Variants in CARMIL1 observed in about 807,000 individuals in gnomAD.
CARMIL1 encodes F-actin-uncapping protein LRRC16A.
A neutral mutation model predicts 177.1 loss-of-function variants in CARMIL1; 90 were observed. The ratio of observed to expected loss-of-function variants is 0.51; its 90% confidence interval spans 0.43 to 0.61. The LOEUF is 0.61. CARMIL1 is among the 20% of genes least tolerant of loss of function. The probability of loss-of-function intolerance (pLI) is 0.00; values close to 1 mark genes in which losing one functional copy is unlikely to be tolerated. For synonymous variants in CARMIL1, 577 were observed against 606.2 expected (o/e 0.95, Z 0.71); for missense variants, 1,380 against 1,667.0 (o/e 0.83, Z 3.00).
intron 20 of CARMIL1, among the ~76,000 whole-genome samples, chr6:25,511,412 GGT>G (rs1277607101): frequency 6.6e-6 from 1 of 152,056 alleles, no homozygotes; most frequent in Non-Finnish European, 1.5e-5. Context: ...ATTTAGAGCT[GGT>G]GTGTTACACC....
chr6:25,390,249 A>G lies in CARMIL1; in HGVS notation c.139-29865A>G, dbSNP rs375961729. Among the ~76,000 whole-genome samples the G allele has an allele frequency of 1.3e-4, 19 of 148,482 alleles. No individual in the cohort carries two copies. In the East Asian group the frequency reaches 3.5e-3, roughly 27 times the overall value. On this transcript the variant is annotated intron_variant, in intron 2 of 36. Coordinates refer to ENST00000329474, the MANE Select transcript of CARMIL1 (RefSeq NM_017640.6). Reference sequence around the variant, plus strand: ...ATTGACATTACCTGGTAATTTTTTAAAAATAATTTTTTCTAGACATATATA... The same window carrying G: ...ATTGACATTACCTGGTAATTTTTTAGAAATAATTTTTTCTAGACATATATA...
intron 2 of CARMIL1, among the ~76,000 whole-genome samples, chr6:25,373,744 G>A (rs955184801): frequency 4.0e-5 from 6 of 151,864 alleles, no homozygotes; most frequent in African/African-American, 1.5e-4. Flanking sequence ...CACTATGCCT[G>A]GCTAATTTTT....
At chr6:25,389,097 A>T (rs992049191) in intron 2 of CARMIL1, 1 of 152,172 alleles carries the variant, frequency 6.6e-6, no homozygotes, top group Non-Finnish European at 1.5e-5. Flanking sequence ...CCACATTTCC[A>T]TGTTTTACGT....
intron 20 of CARMIL1, among the ~76,000 whole-genome samples, chr6:25,513,391 G>A (rs1366554122): frequency 6.6e-6 from 1 of 152,106 alleles, no homozygotes; most frequent in Non-Finnish European, 1.5e-5. Flanking sequence ...TTTGGCCCAG[G>A]TTTTAATTGC....
intron 29 of CARMIL1, among the ~76,000 whole-genome samples, chr6:25,576,680 A>G (rs1242276917): frequency 2.6e-5 from 4 of 152,280 alleles, no homozygotes; most frequent in Admixed American, 2.6e-4. Flanking sequence ...GGGGTTGGTA[A>G]ATATCACTTT....
chr6:25,294,347 C>G (rs1782231822), intron 2 of CARMIL1, among the ~76,000 whole-genome samples: 1 of 152,158 alleles, frequency 6.6e-6, no homozygotes, highest in Admixed American at 6.5e-5. Context: ...TTGACTCAAA[C>G]AGACTCTGGG....
rs571700057 is a variant in CARMIL1 at position 25,364,862 on chromosome 6, G to A, written c.139-55252G>A. Among the ~76,000 whole-genome samples the A allele has an allele frequency of 1.7e-3, 261 of 152,142 alleles. 2 individuals carry two copies. Among genetic ancestry groups the A allele is most frequent in the Non-Finnish European group, 1.5e-3 (105 of 68,030 alleles). On this transcript the variant is annotated intron_variant, in intron 2 of 36. Coordinates refer to ENST00000329474, the MANE Select transcript of CARMIL1 (RefSeq NM_017640.6). Reference sequence around the variant, plus strand: ...TGAATTCCTTTAAGTAGATGAGGAAGTGAAACCCCGGAAGAGTACAGTGTC... The same window carrying A: ...TGAATTCCTTTAAGTAGATGAGGAAATGAAACCCCGGAAGAGTACAGTGTC...
rs6149486 is a variant in CARMIL1 at position 25,296,893 on chromosome 6, T to TTATCTATCTATC, written c.138+12014_138+12025dup. On this transcript the variant is annotated intron_variant, in intron 2 of 36. Transcript: ENST00000329474. ...CCTTTTCTTATAAGAATATCTATCTTTATCTATCTATCTATCTATCTATCT... is the reference window on the plus strand; with the variant it reads ...CCTTTTCTTATAAGAATATCTATCTTTATCTATCTATCTATCTATCTATCTATCTATCTATCT... 4.0e-3 allele frequency among the ~76,000 whole-genome samples: 343 copies of TTATCTATCTATC among 85,932 alleles called. 1 individual carries two copies. The highest frequency in any genetic ancestry group is 5.6e-3 in the Non-Finnish European group (246 of 44,114). 56.4% of individuals were successfully genotyped at this position (85,932 alleles called of 152,430 possible). A position where few individuals can be genotyped will look rare whatever the true frequency, so the allele number is the denominator to read the frequency against.
At chr6:25,319,088 C>T (rs942703067) in intron 2 of CARMIL1, among the ~76,000 whole-genome samples, 1 of 152,000 alleles carries the variant, frequency 6.6e-6, no homozygotes, top group Non-Finnish European at 1.5e-5. Context: ...AAGGAGCTGC[C>T]GTGTTTAAAA....
intron 2 of CARMIL1, among the ~76,000 whole-genome samples, chr6:25,298,620 TAG>T (rs34551571): frequency 0.18 from 27,508 of 152,046 alleles, 3,582 homozygotes; most frequent in East Asian, 0.39. Flanking sequence ...CCCAGTTACT[TAG>T]AGTGAAAAAA....
chr6:25,347,630 T>C (rs941985221), intron 2 of CARMIL1, among the ~76,000 whole-genome samples: 22 of 152,242 alleles, frequency 1.4e-4, no homozygotes, highest in Non-Finnish European at 2.5e-4. Flanking sequence ...TTATTTTAGA[T>C]ATATGAAAGA....
intron 2 of CARMIL1, among the ~76,000 whole-genome samples, chr6:25,404,654 G>T (rs1794198168): frequency 6.6e-6 from 1 of 152,018 alleles, no homozygotes. Context: ...TACTGAGGAG[G>T]CTGATTCACA....
intron 36 of CARMIL1, among the ~76,000 whole-genome samples, 191 bp downstream of exon 36, chr6:25,610,372 G>A (rs910056226): frequency 3.9e-5 from 6 of 152,124 alleles, no homozygotes; most frequent in African/African-American, 7.2e-5. Context: ...TGATGACATT[G>A]GATCTTAATG....
At chr6:25,534,988 C>T (rs570143585) in intron 24 of CARMIL1, among the ~76,000 whole-genome samples, 1 of 152,310 alleles carries the variant, frequency 6.6e-6, no homozygotes, top group Admixed American at 6.5e-5. Context: ...GTAATTCTTA[C>T]CCGTGGGTTC....
chr6:25,426,451 TAAAACCC>T, intron 3 of CARMIL1, 43 bp from the exon 4 acceptor site: 1 of 1,388,766 alleles, frequency 7.2e-7, no homozygotes, highest in Non-Finnish European at 1.0e-6. Context: ...TATGTTTTTT[TAAAACCC>T]TCATTGCAGG....
intron 2 of CARMIL1, among the ~76,000 whole-genome samples, chr6:25,321,646 C>T (rs1784678357): frequency 6.6e-6 from 1 of 150,756 alleles, no homozygotes; most frequent in South Asian, 2.1e-4. Flanking sequence ...ATTTATTTCA[C>T]TTATTTATTA....
chr6:25,390,306 ATATATATATATATAT>A (rs1418136914), intron 2 of CARMIL1, among the ~76,000 whole-genome samples: 5 of 45,108 alleles, frequency 1.1e-4, no homozygotes, highest in African/African-American at 2.5e-4. Context: ...ATATATATAT[ATATATATATATATAT>A]TTTTTTTTTT....
chr6:25,478,009 C>G (rs1801736157), intron 11 of CARMIL1, among the ~76,000 whole-genome samples: 1 of 151,876 alleles, frequency 6.6e-6, no homozygotes, highest in African/African-American at 2.4e-5. Context: ...GTGTGCACTA[C>G]CACACCTGGC....
At chr6:25,494,885 T>C (rs1487828414) in intron 15 of CARMIL1, among the ~76,000 whole-genome samples, 1 of 152,252 alleles carries the variant, frequency 6.6e-6, no homozygotes, top group Non-Finnish European at 1.5e-5. Flanking sequence ...CTATGAAGAA[T>C]AGCAATGAAT....
Sources: gnomAD v4.1 joint callset for allele counts (sites outside exome capture counted in the v4.1 genomes callset) on GRCh38, gnomAD v4.1.1 for gene constraint, MANE v1.5 for transcripts, NCBI Gene and HGNC (gene_info 2026-07-23, HGNC 2026-07-21) for gene names.